Variants in SESN2 observed in about 807,000 individuals in gnomAD.
SESN2 encodes the protein sestrin 2, also known as sestrin-2.
Under a neutral mutation model 56.0 loss-of-function variants are expected in SESN2, and 42 were observed. That is an observed-to-expected ratio of 0.75 (90% CI 0.59 to 0.97). SESN2 has a LOEUF of 0.97. Among genes scored for constraint, SESN2 ranks in the 50% least tolerant of loss-of-function variants. The pLI is 0.00. For synonymous variants in SESN2, 264 were observed against 267.1 expected (o/e 0.99, Z 0.11); for missense variants, 507 against 649.4 (o/e 0.78, Z 2.38).
At chr1:28,273,232 C>A in intron 5 of SESN2, 126 bp from the exon 6 acceptor site, 3 of 869,226 alleles carry the variant, frequency 3.5e-6, no homozygotes, top group Non-Finnish European at 5.1e-6. Context: ...AGCACAGTGG[C>A]TGGCACAGAG....
At chr1:28,269,808 C>T (rs570302587) in intron 2 of SESN2, among the ~76,000 whole-genome samples, 1 of 152,148 alleles carries the variant, frequency 6.6e-6, no homozygotes, top group Admixed American at 6.5e-5. Flanking sequence ...TCACTTAATA[C>T]AAGAAAGACA....
At chr1:28,266,512 G>GGA (rs1647563903) in intron 1 of SESN2, among the ~76,000 whole-genome samples, 1 of 151,790 alleles carries the variant, frequency 6.6e-6, no homozygotes, top group South Asian at 2.1e-4. Flanking sequence ...AGCAGGTGGT[G>GGA]GAGCTGTCAT....
intron 9 of SESN2, 126 bp downstream of exon 9, chr1:28,279,367 A>G (rs1321821151): frequency 3.2e-5 from 28 of 866,944 alleles, no homozygotes; most frequent in African/African-American, 8.5e-5. Flanking sequence ...ACCTGGGCCT[A>G]TTCCTCTGGA....
At chr1:28,264,230 A>C (rs1055201869) in intron 1 of SESN2, among the ~76,000 whole-genome samples, 11 of 152,044 alleles carry the variant, frequency 7.2e-5, no homozygotes, top group African/African-American at 2.7e-4. Context: ...GAGGCAGGAG[A>C]ATTGCCTGAA....
At chr1:28,264,592 T>A (rs1364733824) in intron 1 of SESN2, among the ~76,000 whole-genome samples, 3 of 152,322 alleles carry the variant, frequency 2.0e-5, no homozygotes, top group East Asian at 3.9e-4. Context: ...GGAACTGGAA[T>A]CATGCCTTTA....
chr1:28,278,594 T>C (rs568382930), intron 8 of SESN2, among the ~76,000 whole-genome samples: 10 of 152,092 alleles, frequency 6.6e-5, no homozygotes. Context: ...ATACTGAAAT[T>C]AATGTAAAAA....
At chr1:28,270,216 TG>T (rs1647710301) in intron 2 of SESN2, among the ~76,000 whole-genome samples, 1 of 152,104 alleles carries the variant, frequency 6.6e-6, no homozygotes, top group African/African-American at 2.4e-5. Flanking sequence ...CCAGGCGTGG[TG>T]GCGGGCGCCT....
intron 9 of SESN2, among the ~76,000 whole-genome samples, chr1:28,280,040 G>T (rs1648181032): frequency 6.6e-6 from 1 of 151,716 alleles, no homozygotes; most frequent in African/African-American, 2.4e-5. Context: ...GTCTCACTGT[G>T]TTGTCCATCC....
chr1:28,270,332 C>G (rs1474805288), intron 2 of SESN2, among the ~76,000 whole-genome samples: 1 of 149,138 alleles, frequency 6.7e-6, no homozygotes, highest in Non-Finnish European at 1.5e-5. Flanking sequence ...GCTTGCGTGA[C>G]AGAGTGAGAC....
In SESN2 at chr1:28,272,619, C is replaced by T. The variant is rs747541062; in HGVS notation, c.576C>T (p.Ala192=). The T allele has an allele frequency of 9.9e-6, 16 of 1,613,986 alleles. No homozygotes were observed. Among genetic ancestry groups the T allele is most frequent in the African/African-American group, 2.7e-5 (2 of 74,900 alleles). The change falls in exon 5 of 10, where the codon GCC becomes GCT. Residue 192 remains alanine (A), a synonymous_variant. Coordinates refer to ENST00000253063, the MANE Select transcript of SESN2 (RefSeq NM_031459.5). ...LKTGEHTWSL[A]ELIQALVLLT... ...CCGGCGAGCACACTTGGTCCCTGGC[C>T]GAGCTCATTCAGGCTCTGGTCCTGC...
At position 28,259,920 on chromosome 1, in the gene SESN2, G is replaced by C; in HGVS notation, c.73G>C (p.Asp25His). The change falls in exon 1 of 10, where the codon GAC (aspartate) becomes CAC (histidine). Residue 25 changes from aspartate to histidine, a missense_variant. Asp to His is a moderately conservative substitution (Grantham distance 81). Transcript: ENST00000253063. ...GCGGTTCGCCCCGGGCGGCGTCGGC[G>C]ACTCGGGCCCCGGAGAGGTAAGCGG... ...YLRFAPGGVG[D>H]SGPGEEQRES... 1 of 1,481,572 alleles carries C rather than the reference G, an allele frequency of 6.7e-7. No homozygotes were observed. Among genetic ancestry groups the C allele is most frequent in the African/African-American group, 1.5e-5 (1 of 67,982 alleles). The allele number at this position is 1,481,572 out of a possible 1,614,324, so 91.8% of individuals were successfully genotyped here.
chr1:28,271,903 G>A (rs765380979), intron 3 of SESN2, 32 bp downstream of exon 3: 2 of 1,603,538 alleles, frequency 1.2e-6, no homozygotes, highest in African/African-American at 1.3e-5. Context: ...ACTTGGAGAG[G>A]TGGCTTTGTG....
chr1:28,280,632 T>A (rs917674226), intron 9 of SESN2, 84 bp from the exon 10 acceptor site: 3 of 1,019,722 alleles, frequency 2.9e-6, no homozygotes, highest in Non-Finnish European at 4.6e-6. Context: ...GTGAGGTAAG[T>A]GGGTCAGGGA....
rs550874962 is a variant in SESN2 at position 28,269,387 on chromosome 1, A to G, written c.156+139A>G. On this transcript the variant is annotated intron_variant, in intron 2 of 9. Transcript: ENST00000253063. ...CTGATTTCTGATTCATTTAATTCAC[A>G]AAACGGCTTTGTGAAGCAGGCACTG... is the stretch of plus-strand genomic sequence containing the variant. The G allele has an allele frequency of 4.4e-4, 235 of 532,896 alleles. 2 individuals carry two copies. The highest frequency in any genetic ancestry group is 6.8e-4 in the Middle Eastern group (2 of 2,932). 33.0% of individuals were successfully genotyped at this position (532,896 alleles called of 1,614,324 possible).
At chr1:28,276,478 T>TA (rs962460386) in intron 8 of SESN2, among the ~76,000 whole-genome samples, 1 of 148,830 alleles carries the variant, frequency 6.7e-6, no homozygotes, top group East Asian at 2.0e-4. Flanking sequence ...GACCCTTCAC[T>TA]AAAAAAATAC....
At chr1:28,276,630 A>G (rs1451460687) in intron 8 of SESN2, among the ~76,000 whole-genome samples, 1 of 109,338 alleles carries the variant, frequency 9.1e-6, no homozygotes, top group Non-Finnish European at 1.6e-5. Context: ...CCTAGGCTGG[A>G]GTGCAATGGG....
In SESN2 at chr1:28,280,743, G is replaced by T; in HGVS notation, c.1384G>T (p.Ala462Ser). The T allele has an allele frequency of 6.2e-7, 1 of 1,613,436 alleles. No homozygotes were observed. The highest frequency in any genetic ancestry group is 1.1e-5 in the South Asian group (1 of 91,084). Reference protein sequence around the residue: ...KVHVNLLLLEARMQAALLYAL... With the variant: ...KVHVNLLLLESRMQAALLYAL... ...CCACGTGAACTTGCTGCTCCTGGAG[G>T]CGCGCATGCAAGCCGCTCTGCTGTA... Residue 462 changes from alanine to serine, a missense_variant, in exon 10 of 10, where the codon GCG (alanine) becomes TCG (serine). Coordinates refer to ENST00000253063, the MANE Select transcript of SESN2 (RefSeq NM_031459.5).
At chr1:28,271,540 C>T in intron 2 of SESN2, 134 bp from the exon 3 acceptor site, 1 of 610,886 alleles carries the variant, frequency 1.6e-6, no homozygotes, top group Non-Finnish European at 3.0e-6. Context: ...ATGTGATCCT[C>T]CCCATTCTTT....
At position 28,279,139 on chromosome 1, in the gene SESN2, G is replaced by A; in HGVS notation, c.1254G>A (p.Glu418=). ...YDYGEVNQLL[E]RNLKVYIKTV... is the part of the protein sequence containing the mutation. ...ATGGGGAGGTGAACCAGCTCCTGGA[G>A]CGGAACCTCAAGGTCTATATCAAGA... Residue 418 remains glutamate, a synonymous_variant, in exon 9 of 10, where the codon GAG becomes GAA. Transcript: ENST00000253063. 1 of 1,614,156 alleles carries A rather than the reference G, an allele frequency of 6.2e-7. No homozygotes were observed. The highest frequency in any genetic ancestry group is 1.1e-5 in the South Asian group (1 of 91,086).
Sources: allele counts gnomAD v4.1 joint callset (sites outside exome capture counted in the v4.1 genomes callset), GRCh38; gene constraint gnomAD v4.1.1; transcripts MANE v1.5; gene names NCBI Gene and HGNC (gene_info 2026-07-23, HGNC 2026-07-21).